The following ITGB5 variants were observed in gnomAD, a reference collection of about 807,000 sequenced individuals.
The protein encoded by ITGB5 is integrin subunit beta 5.
ITGB5 carries 38 observed loss-of-function variants against 84.8 expected under a neutral mutation model. That is an observed-to-expected ratio of 0.45 (90% confidence interval 0.35 to 0.59). ITGB5 has a LOEUF of 0.59. ITGB5 is among the 20% of genes least tolerant of loss of function. ITGB5 has a pLI of 0.01. For synonymous variants in ITGB5, 393 were observed against 414.4 expected (o/e 0.95, Z 0.63); for missense variants, 905 against 1,034.5 (o/e 0.87, Z 1.72).
At chr3:124,851,841 C>T (rs1426970245) in intron 3 of ITGB5, among the ~76,000 whole-genome samples, 5 of 152,138 alleles carry the variant, frequency 3.3e-5, no homozygotes, top group African/African-American at 1.2e-4. Flanking sequence ...GTTCTGTCAG[C>T]AGATCCTGGA....
At chr3:124,871,102 A>G (rs1265643) in intron 2 of ITGB5, among the ~76,000 whole-genome samples, 128,345 of 152,136 alleles carry the variant, frequency 0.84, 54,497 homozygotes, top group African/African-American at 0.95. Flanking sequence ...TGTTGCCCAG[A>G]CCGGTCTTGA....
intron 1 of ITGB5, among the ~76,000 whole-genome samples, chr3:124,897,547 C>T (rs1468143935): frequency 2.6e-5 from 4 of 152,064 alleles, no homozygotes; most frequent in Non-Finnish European, 4.4e-5. Context: ...GTTGGCTAGG[C>T]GTAGTGGCTC....
At chr3:124,764,598 C>G (rs749087687) in intron 13 of ITGB5, 41 bp from the exon 14 acceptor site, 5 of 1,569,276 alleles carry the variant, frequency 3.2e-6, no homozygotes, top group Middle Eastern at 1.8e-4. Flanking sequence ...CCACTAGCAT[C>G]ACCATGCCCC....
At chr3:124,863,573 C>T (rs1359821591) in intron 2 of ITGB5, among the ~76,000 whole-genome samples, 1 of 152,192 alleles carries the variant, frequency 6.6e-6, no homozygotes, top group Non-Finnish European at 1.5e-5. Context: ...GGCTGGAGTG[C>T]AGTGGTGTAA....
Position 124,762,605 on chromosome 3 carries a change from CTAATGATGAT to C in ITGB5, c.*1008_*1017del, listed in dbSNP as rs1412658736. ...AGGCCTTGGAAGGGAACTGCTATTG[CTAATGATGAT>C]TAAGAGATGACTTCGTGTGGGAACC... On this transcript the variant is annotated 3_prime_UTR_variant, in exon 15 of 15. Transcript: ENST00000296181. The C allele has an allele frequency of 1.3e-5, 2 of 152,328 alleles. No homozygotes were observed. The highest frequency in any genetic ancestry group is 3.9e-4 in the East Asian group (2 of 5,184). 9.4% of individuals were successfully genotyped at this position (152,328 alleles called of 1,614,324 possible). A position where few individuals can be genotyped will look rare whatever the true frequency, so the allele number is the denominator to read the frequency against.
chr3:124,828,962 T>C (rs912808108), intron 5 of ITGB5, among the ~76,000 whole-genome samples: 2 of 152,218 alleles, frequency 1.3e-5, no homozygotes, highest in African/African-American at 4.8e-5. Context: ...AATAATAGTA[T>C]TGATAAAATA....
At position 124,874,535 on chromosome 3, in the gene ITGB5, C is replaced by T. The variant is rs1579328457; in HGVS notation, c.71-1004G>A. Among the ~76,000 whole-genome samples, 5 of 151,970 alleles carry T rather than the reference C, an allele frequency of 3.3e-5. No individual in the cohort carries two copies. In the South Asian group the frequency reaches 1.0e-3, roughly 32 times the overall value. On this transcript the variant is annotated intron_variant, in intron 1 of 14. Coordinates refer to ENST00000296181, the MANE Select transcript of ITGB5 (RefSeq NM_002213.5). ...AAAACCACAAAAGTTTGTATGAAACCCAAATAGCCAAAACAATCTTAAGCA... is the reference window on the plus strand; with the variant it reads ...AAAACCACAAAAGTTTGTATGAAACTCAAATAGCCAAAACAATCTTAAGCA...
At chr3:124,862,376 G>A (rs1285754938) in intron 2 of ITGB5, 1 of 152,180 alleles carries the variant, frequency 6.6e-6, no homozygotes, top group East Asian at 1.9e-4. Flanking sequence ...CTAAGCAGGA[G>A]GCAGGTGCAC....
At chr3:124,814,198 CCT>C (rs2064549177) in intron 8 of ITGB5, among the ~76,000 whole-genome samples, 1 of 152,006 alleles carries the variant, frequency 6.6e-6, no homozygotes, top group African/African-American at 2.4e-5. Context: ...CCAACATACC[CCT>C]GACATGGCTT....
chr3:124,786,151 A>C (rs2064079183), intron 10 of ITGB5, among the ~76,000 whole-genome samples: 1 of 152,190 alleles, frequency 6.6e-6, no homozygotes, highest in East Asian at 1.9e-4. Flanking sequence ...AAATCCTCCC[A>C]GTTAGGGCTT....
At chr3:124,867,315 G>A (rs2065406465) in intron 2 of ITGB5, among the ~76,000 whole-genome samples, 2 of 152,136 alleles carry the variant, frequency 1.3e-5, no homozygotes, top group South Asian at 2.1e-4. Context: ...TGGTGGCCTT[G>A]CCTAACCTGG....
At chr3:124,860,894 T>C (rs2065287512) in intron 2 of ITGB5, among the ~76,000 whole-genome samples, 1 of 152,178 alleles carries the variant, frequency 6.6e-6, no homozygotes, top group African/African-American at 2.4e-5. Context: ...TTTAGAATCC[T>C]TATAAAATTC....
intron 2 of ITGB5, among the ~76,000 whole-genome samples, chr3:124,861,748 G>C (rs913475794): frequency 6.6e-6 from 1 of 152,064 alleles, no homozygotes; most frequent in African/African-American, 2.4e-5. Flanking sequence ...TTTTAGTAGA[G>C]ACGGGCTTTC....
At chr3:124,872,993 T>C (rs1934130599) in intron 2 of ITGB5, among the ~76,000 whole-genome samples, 1 of 152,096 alleles carries the variant, frequency 6.6e-6, no homozygotes, top group Non-Finnish European at 1.5e-5. Context: ...CCATTATTTC[T>C]AAATAAAATC....
At chr3:124,771,732 G>A (rs182609898) in intron 11 of ITGB5, among the ~76,000 whole-genome samples, 1 of 137,452 alleles carries the variant, frequency 7.3e-6, no homozygotes, top group Admixed American at 7.6e-5. Flanking sequence ...TGGGTGGCGG[G>A]AGTGAGACCC....
At chr3:124,799,996 G>A (rs767421345) in intron 9 of ITGB5, among the ~76,000 whole-genome samples, 3 of 152,194 alleles carry the variant, frequency 2.0e-5, no homozygotes, top group Non-Finnish European at 2.9e-5. Flanking sequence ...GAAGCCACCC[G>A]TGGGGCCATC....
At chr3:124,830,988 G>C (rs115037086) in intron 5 of ITGB5, among the ~76,000 whole-genome samples, 9 of 151,790 alleles carry the variant, frequency 5.9e-5, no homozygotes, top group African/African-American at 1.9e-4. Context: ...CATCTCAAAC[G>C]AACAACAACA....
At chr3:124,851,631 ACACACACACACG>A (rs2065156825) in intron 3 of ITGB5, among the ~76,000 whole-genome samples, 1 of 149,908 alleles carries the variant, frequency 6.7e-6, no homozygotes, top group African/African-American at 2.5e-5. Context: ...ACACACACAC[ACACACACACACG>A]CACACATCCC....
chr3:124,842,988 G>A (rs1046635690), intron 4 of ITGB5, among the ~76,000 whole-genome samples: 16 of 152,228 alleles, frequency 1.1e-4, no homozygotes, highest in East Asian at 7.7e-4. Flanking sequence ...TGTGATAGTC[G>A]CGCTCTCCCT....
Sources: gnomAD v4.1 joint callset for allele counts (sites outside exome capture counted in the v4.1 genomes callset) on GRCh38, gnomAD v4.1.1 for gene constraint, MANE v1.5 for transcripts, NCBI Gene and HGNC (gene_info 2026-07-23, HGNC 2026-07-21) for gene names.